The following CFAP77 variants were observed in gnomAD, a reference collection of about 807,000 sequenced individuals.
The protein encoded by CFAP77 is cilia and flagella associated protein 77.
CFAP77 carries 25 observed loss-of-function variants against 31.1 expected under a neutral mutation model. That is an observed-to-expected ratio of 0.80 (90% CI 0.59 to 1.12). The LOEUF (loss-of-function observed/expected upper bound fraction) is 1.12. Ranked by LOEUF, CFAP77 falls within the 50% of genes most tolerant of loss-of-function variation. CFAP77 has a pLI of 0.00. For missense variants in CFAP77, 377 were observed against 397.3 expected (o/e 0.95, Z 0.44); for synonymous variants, 151 against 159.9 (o/e 0.94, Z 0.42).
chr9:132,501,273 C>A lies in CFAP77; in HGVS notation c.524+1673C>A, dbSNP rs1851834715. ...GCTCCATTCTCTGAGAAGCTTCTTC[C>A]TCACCTGCAAATGGCCAGCAGCAGT... On this transcript the variant is annotated intron_variant, in intron 3 of 5. Transcript: ENST00000393216. This position sits in a 1 kb window ranked among gnomAD's most constrained non-coding sequence, Gnocchi z 4.6. Among the ~76,000 whole-genome samples the A allele has an allele frequency of 3.3e-5, 5 of 152,312 alleles. No individual in the cohort carries two copies. In the South Asian group the frequency reaches 1.0e-3, roughly 32 times the overall value.
intron 1 of CFAP77, among the ~76,000 whole-genome samples, chr9:132,431,893 A>G (rs2080860238): frequency 6.6e-6 from 1 of 152,154 alleles, no homozygotes; most frequent in Admixed American, 6.6e-5. Flanking sequence ...TTATTGAACT[A>G]CTGGCCTCAA....
intron 5 of CFAP77, among the ~76,000 whole-genome samples, chr9:132,568,051 C>T (rs138379903): frequency 7.0e-4 from 106 of 152,102 alleles, no homozygotes; most frequent in African/African-American, 2.4e-3. Flanking sequence ...CTACAAGGGC[C>T]GAGGAGGAAG....
intron 3 of CFAP77, among the ~76,000 whole-genome samples, chr9:132,500,128 G>A (rs746170874): frequency 1.8e-4 from 27 of 151,254 alleles, no homozygotes; most frequent in Non-Finnish European, 1.5e-4. Flanking sequence ...CTCCAGCCTG[G>A]GCAACAGAGT....
At chr9:132,509,944 C>T (rs2118990469) in intron 3 of CFAP77, among the ~76,000 whole-genome samples, 1 of 152,314 alleles carries the variant, frequency 6.6e-6, no homozygotes, top group South Asian at 2.1e-4. Flanking sequence ...GCTGCTCCTT[C>T]CTCCTTCATG....
At chr9:132,505,924 G>A (rs1442226326) in intron 3 of CFAP77, among the ~76,000 whole-genome samples, 3 of 152,162 alleles carry the variant, frequency 2.0e-5, no homozygotes, top group Admixed American at 6.5e-5. Flanking sequence ...ATGAGCCACC[G>A]CTAACAAAAG....
intron 3 of CFAP77, among the ~76,000 whole-genome samples, chr9:132,512,641 A>C (rs1852059824): frequency 6.6e-6 from 1 of 152,172 alleles, no homozygotes; most frequent in Non-Finnish European, 1.5e-5. Flanking sequence ...GGGGTTTGTA[A>C]TCAGTCAAAA....
chr9:132,419,022 G>A (rs952126922), intron 1 of CFAP77, among the ~76,000 whole-genome samples: 5 of 152,112 alleles, frequency 3.3e-5, no homozygotes, highest in African/African-American at 1.2e-4. Flanking sequence ...TTTCCACCCA[G>A]TCACTCAAAG....
At chr9:132,417,340 C>G (rs945015213) in intron 1 of CFAP77, among the ~76,000 whole-genome samples, 4 of 152,036 alleles carry the variant, frequency 2.6e-5, no homozygotes, top group African/African-American at 9.7e-5. Context: ...GTTTCAAACC[C>G]CTGACCTCGT....
At chr9:132,571,804 A>G (rs1217262783) in intron 5 of CFAP77, among the ~76,000 whole-genome samples, 1 of 151,940 alleles carries the variant, frequency 6.6e-6, no homozygotes, top group African/African-American at 2.4e-5. Flanking sequence ...ATTTCTTGAG[A>G]AGAAAGGGCA....
chr9:132,485,178 T>C (rs1851519764), intron 1 of CFAP77, among the ~76,000 whole-genome samples: 1 of 152,228 alleles, frequency 6.6e-6, no homozygotes, highest in Admixed American at 6.5e-5. Flanking sequence ...GAGACGGAGC[T>C]GCTGATAATT....
At chr9:132,563,839 C>A (rs895759803) in intron 5 of CFAP77, among the ~76,000 whole-genome samples, 1 of 152,196 alleles carries the variant, frequency 6.6e-6, no homozygotes, top group African/African-American at 2.4e-5. Context: ...ATGTGCTATT[C>A]CCTGATGATG....
At chr9:132,521,849 C>T (rs759053336) in intron 3 of CFAP77, among the ~76,000 whole-genome samples, 5 of 145,654 alleles carry the variant, frequency 3.4e-5, no homozygotes, top group Non-Finnish European at 7.4e-5. Context: ...TCACTGCAAC[C>T]TCTGCCTCCC....
chr9:132,417,688 A>C (rs769915029), intron 1 of CFAP77, among the ~76,000 whole-genome samples: 2 of 152,234 alleles, frequency 1.3e-5, no homozygotes, highest in Non-Finnish European at 2.9e-5. Context: ...GGGTTCAGTG[A>C]GACAGTGCAG....
At chr9:132,484,455 C>T (rs1480230736) in intron 1 of CFAP77, among the ~76,000 whole-genome samples, 1 of 152,176 alleles carries the variant, frequency 6.6e-6, no homozygotes, top group Non-Finnish European at 1.5e-5. Context: ...TTCAGATTGA[C>T]CTATTTGGAC....
At chr9:132,470,984 T>A (rs80188574) in intron 1 of CFAP77, among the ~76,000 whole-genome samples, 3,209 of 152,190 alleles carry the variant, frequency 0.021, 93 homozygotes, top group African/African-American at 0.069. Context: ...TTTCAAAAAA[T>A]TTTTTTTAAA....
intron 1 of CFAP77, among the ~76,000 whole-genome samples, chr9:132,414,457 C>T (rs1209125805): frequency 6.6e-6 from 1 of 151,768 alleles, no homozygotes; most frequent in South Asian, 2.1e-4. Context: ...CTTAGCACAG[C>T]ACCTGCTGTA....
At chr9:132,508,093 G>A (rs1355101132) in intron 3 of CFAP77, among the ~76,000 whole-genome samples, 2 of 152,110 alleles carry the variant, frequency 1.3e-5, no homozygotes, top group Non-Finnish European at 2.9e-5. Context: ...TATAGTCTGG[G>A]GCCCTTTAAG....
rs1851769759 is a variant in CFAP77 at position 132,497,856 on chromosome 9, C to T, written c.196-839C>T. On this transcript the variant is annotated intron_variant, in intron 1 of 5. Transcript: ENST00000393216. This position sits in a 1 kb window ranked among gnomAD's most constrained non-coding sequence, Gnocchi z 4.9. ...ATGGGGTTCGAAGCACTGTGCAGGA[C>T]AGGGTCTCTGACCTCGAGGAGCTGC... Among the ~76,000 whole-genome samples, 1 of 152,148 alleles carries T rather than the reference C, an allele frequency of 6.6e-6. No homozygotes were observed. Among genetic ancestry groups the T allele is most frequent in the South Asian group, 2.1e-4 (1 of 4,832 alleles).
rs1851852979 is a variant in CFAP77 at position 132,501,917 on chromosome 9, C to A, written c.524+2317C>A. Among the ~76,000 whole-genome samples the A allele has an allele frequency of 6.6e-6, 1 of 152,202 alleles. No individual in the cohort carries two copies. The highest frequency in any genetic ancestry group is 1.5e-5 in the Non-Finnish European group (1 of 68,038). On this transcript the variant is annotated intron_variant, in intron 3 of 5. Coordinates refer to ENST00000393216, the MANE Select transcript of CFAP77 (RefSeq NM_001282957.2). This position sits in a 1 kb window ranked among gnomAD's most constrained non-coding sequence, Gnocchi z 4.6. ...AAGACGTACAGACCAGGGTTGTGTT[C>A]CAGGAGGGGAATGGACATCAGGCAG...
Sources: gnomAD v4.1 joint callset for allele counts (sites outside exome capture counted in the v4.1 genomes callset) on GRCh38, gnomAD v4.1.1 for gene constraint, Gnocchi (gnomAD v3.1) non-coding constraint, MANE v1.5 for transcripts, NCBI Gene and HGNC (gene_info 2026-07-23, HGNC 2026-07-21) for gene names.